Variants in PDE10A observed in about 807,000 individuals in gnomAD.
The protein encoded by PDE10A is cAMP and cAMP-inhibited cGMP 3',5'-cyclic phosphodiesterase 10A.
A neutral mutation model predicts 97.7 loss-of-function variants in PDE10A; 39 were observed. The observed-to-expected ratio is 0.40, with a 90% CI of 0.31 to 0.52. The LOEUF is 0.52. Among genes scored for constraint, PDE10A ranks in the 20% least tolerant of loss-of-function variants. The probability of loss-of-function intolerance (pLI) is 0.56; values close to 1 mark genes in which losing one functional copy is unlikely to be tolerated. For missense variants in PDE10A, 731 were observed against 1,047.8 expected, an observed-to-expected ratio of 0.70 and a Z score of 4.17; for synonymous variants, 371 against 376.8, an observed-to-expected ratio of 0.98 and a Z score of 0.18.
chr6:165,827,425 G>C (rs182555770), intron 1 of PDE10A, among the ~76,000 whole-genome samples: 1 of 152,322 alleles, frequency 6.6e-6, no homozygotes, highest in Admixed American at 6.5e-5. Flanking sequence ...TAATTCCTGG[G>C]AATGTGGTGG....
intron 1 of PDE10A, among the ~76,000 whole-genome samples, chr6:165,849,349 T>A (rs1440306546): frequency 6.6e-6 from 1 of 152,252 alleles, no homozygotes; most frequent in East Asian, 1.9e-4. Flanking sequence ...CACCTTTTTC[T>A]GTCTCTGCAG....
intron 1 of PDE10A, among the ~76,000 whole-genome samples, chr6:165,575,421 T>G (rs1785253614): frequency 6.6e-6 from 1 of 152,146 alleles, no homozygotes; most frequent in African/African-American, 2.4e-5. Flanking sequence ...ATTTTTCCCC[T>G]CCAATGTTTC....
At chr6:165,919,743 G>T (rs1330094118) in intron 1 of PDE10A, among the ~76,000 whole-genome samples, 1 of 152,204 alleles carries the variant, frequency 6.6e-6, no homozygotes, top group Non-Finnish European at 1.5e-5. Flanking sequence ...ATCTTTCGCA[G>T]TCCTGTTTTA....
intron 1 of PDE10A, among the ~76,000 whole-genome samples, chr6:165,580,839 A>G (rs1785575432): frequency 6.6e-6 from 1 of 151,830 alleles, no homozygotes; most frequent in Non-Finnish European, 1.5e-5. Context: ...CCAACGAGAA[A>G]GAAGATGGTA....
At chr6:165,435,427 T>A in intron 5 of PDE10A, 50 bp from the exon 6 acceptor site, 2 of 1,511,548 alleles carry the variant, frequency 1.3e-6, no homozygotes, top group South Asian at 1.2e-5. Context: ...ATGTGCATAG[T>A]ACAAAAAGAC....
At position 165,330,781 on chromosome 6, in the gene PDE10A, C is replaced by A. The variant is rs1228407092; in HGVS notation, c.*2244G>T. The A allele has an allele frequency of 6.6e-6, 1 of 152,094 alleles. No homozygotes were observed. The highest frequency in any genetic ancestry group is 1.5e-5 in the Non-Finnish European group (1 of 67,990). 9.4% of individuals were successfully genotyped at this position (152,094 alleles called of 1,614,324 possible). A position where few individuals can be genotyped will look rare whatever the true frequency, so the allele number is the denominator to read the frequency against. On this transcript the variant is annotated 3_prime_UTR_variant, in exon 22 of 22. Coordinates refer to ENST00000539869, the MANE Select transcript of PDE10A (RefSeq NM_001385079.1). ...AGAATTCATACATTCTTTTAAAATT[C>A]TTGTAATTAAACAATAATCTTAAAT...
At chr6:165,453,882 A>G (rs1185583428) in intron 3 of PDE10A, among the ~76,000 whole-genome samples, 1 of 152,050 alleles carries the variant, frequency 6.6e-6, no homozygotes, top group Non-Finnish European at 1.5e-5. Context: ...AGAGTTACCA[A>G]CTCCACAACT....
Position 165,776,369 on chromosome 6 carries a change from A to G in PDE10A, c.-615+211160T>C, listed in dbSNP as rs1400487802. ...TTACAGTAACATCCAAGTAGATTCA[A>G]CAAGTTCAGAAGTTGATATAATCAT... is the stretch of plus-strand genomic sequence containing the variant. On this transcript the variant is annotated intron_variant, in intron 1 of 19. Coordinates refer to the PDE10A transcript ENST00000366882. 2.6e-5 allele frequency among the ~76,000 whole-genome samples: 4 copies of G among 152,190 alleles called. No homozygotes were observed. In the East Asian group the frequency reaches 5.8e-4, roughly 22 times the overall value.
intron 1 of PDE10A, among the ~76,000 whole-genome samples, chr6:165,903,686 A>T (rs1782178913): frequency 6.6e-6 from 1 of 152,216 alleles, no homozygotes; most frequent in Non-Finnish European, 1.5e-5. Context: ...TATTTTCATA[A>T]AGAAGGTGAT....
intron 21 of PDE10A, among the ~76,000 whole-genome samples, chr6:165,335,518 G>A (rs376260425): frequency 6.6e-6 from 1 of 152,076 alleles, no homozygotes; most frequent in Non-Finnish European, 1.5e-5. Context: ...ACATACTGTG[G>A]CTGTACGAGT....
At chr6:165,469,607 GTTC>G (rs1562496521) in intron 3 of PDE10A, among the ~76,000 whole-genome samples, 2 of 152,132 alleles carry the variant, frequency 1.3e-5, no homozygotes, top group African/African-American at 2.4e-5. Context: ...TTCCTGTGGG[GTTC>G]TTCTTCATGA....
intron 1 of PDE10A, chr6:165,775,639 G>A (rs1434996646): frequency 6.6e-6 from 1 of 152,124 alleles, no homozygotes; most frequent in African/African-American, 2.4e-5. Flanking sequence ...ATTTTATTTC[G>A]GGGATGTTGG....
At chr6:165,794,931 C>T (rs974970863) in intron 1 of PDE10A, among the ~76,000 whole-genome samples, 7 of 152,222 alleles carry the variant, frequency 4.6e-5, no homozygotes, top group Non-Finnish European at 1.0e-4. Flanking sequence ...CCTATTGTTT[C>T]GTGCTGCACA....
chr6:165,864,563 GT>G (rs1446963016), intron 1 of PDE10A, among the ~76,000 whole-genome samples: 1 of 152,218 alleles, frequency 6.6e-6, no homozygotes, highest in African/African-American at 2.4e-5. Context: ...AGAATTTTAA[GT>G]GATAATACAC....
chr6:165,768,951 G>A (rs1019315411), intron 1 of PDE10A, among the ~76,000 whole-genome samples: 11 of 152,186 alleles, frequency 7.2e-5, no homozygotes, highest in Admixed American at 4.6e-4. Flanking sequence ...AGTGAAAATG[G>A]TAAAACGTGC....
chr6:165,753,033 G>C (rs896518388), intron 1 of PDE10A, among the ~76,000 whole-genome samples: 1 of 152,124 alleles, frequency 6.6e-6, no homozygotes, highest in Non-Finnish European at 1.5e-5. Flanking sequence ...ATTTTACAAC[G>C]TATGCATGTA....
chr6:165,872,373 C>T (rs1310186718), intron 1 of PDE10A, among the ~76,000 whole-genome samples: 1 of 152,088 alleles, frequency 6.6e-6, no homozygotes, highest in African/African-American at 2.4e-5. Context: ...CCCATTGTCA[C>T]ATGTGGTGGG....
At chr6:165,429,538 A>C (rs1789404420) in intron 9 of PDE10A, among the ~76,000 whole-genome samples, 1 of 152,138 alleles carries the variant, frequency 6.6e-6, no homozygotes, top group Non-Finnish European at 1.5e-5. Context: ...GTAAACTGTT[A>C]GGTGCATATA....
chr6:165,674,807 A>G (rs9347084), intron 1 of PDE10A, among the ~76,000 whole-genome samples: 63,883 of 152,038 alleles, frequency 0.42, 13,873 homozygotes, highest in African/African-American at 0.48. Context: ...TCCGGCATAA[A>G]CTTCCAGTTA....
Sources: gnomAD v4.1 joint callset for allele counts (sites outside exome capture counted in the v4.1 genomes callset) on GRCh38, gnomAD v4.1.1 for gene constraint, MANE v1.5 for transcripts, NCBI Gene and HGNC (gene_info 2026-07-23, HGNC 2026-07-21) for gene names.